PPARGC1A: variants seen among roughly 807,000 people sequenced by gnomAD.
The protein encoded by PPARGC1A is peroxisome proliferator-activated receptor gamma coactivator 1-alpha.
PPARGC1A carries 25 observed loss-of-function variants against 88.7 expected under a neutral mutation model. The observed-to-expected ratio is 0.28, with a 90% CI of 0.21 to 0.39. The LOEUF (loss-of-function observed/expected upper bound fraction) is 0.39. Ranked by LOEUF, PPARGC1A falls within the 10% of genes least tolerant of loss-of-function variation. The probability of loss-of-function intolerance (pLI) is 1.00; values close to 1 mark genes in which losing one functional copy is unlikely to be tolerated. For missense variants in PPARGC1A, 880 were observed against 968.7 expected (o/e 0.91, Z 1.22); for synonymous variants, 363 against 355.6 (o/e 1.02, Z -0.24).
intron 5 of PPARGC1A, among the ~76,000 whole-genome samples, chr4:23,827,428 TG>T (rs1724162132): frequency 1.3e-5 from 2 of 148,242 alleles, no homozygotes; most frequent in East Asian, 2.0e-4. Flanking sequence ...AAAATGAAAG[TG>T]AAAAAAAAAA....
the PPARGC1A span, among the ~76,000 whole-genome samples, chr4:24,146,460 T>C: frequency 6.6e-6 from 1 of 152,194 alleles, no homozygotes; most frequent in Admixed American, 6.5e-5. Flanking sequence ...CCCTGCTCTA[T>C]CAATGTGAAC....
chr4:23,990,556 C>A, the PPARGC1A span, among the ~76,000 whole-genome samples: 1 of 152,056 alleles, frequency 6.6e-6, no homozygotes, highest in Non-Finnish European at 1.5e-5. Context: ...ATTTTATCAC[C>A]GTAAGAACTC....
the PPARGC1A span, among the ~76,000 whole-genome samples, chr4:24,472,614 G>A: frequency 6.6e-6 from 1 of 152,190 alleles, no homozygotes; most frequent in African/African-American, 2.4e-5. This position sits in a 1 kb window ranked among gnomAD's most constrained non-coding sequence, Gnocchi z 4.5. Context: ...CAAAGGGAAC[G>A]GAAACTCTCG....
the PPARGC1A span, among the ~76,000 whole-genome samples, chr4:24,056,065 G>T: frequency 6.6e-6 from 1 of 152,212 alleles, no homozygotes; most frequent in African/African-American, 2.4e-5. Context: ...ATTTTTAGAT[G>T]AGAAAACTGA....
In PPARGC1A at chr4:23,824,263, T is replaced by C. The variant is rs771468100; in HGVS notation, c.877+17A>G. 1.2e-6 allele frequency: 2 copies of C among 1,602,684 alleles called. No individual in the cohort carries two copies. The highest frequency in any genetic ancestry group is 1.7e-6 in the Non-Finnish European group (2 of 1,170,120). On this transcript the variant is annotated intron_variant, in intron 7 of 12. Coordinates refer to ENST00000264867, the MANE Select transcript of PPARGC1A (RefSeq NM_013261.5). ...CAGACAGACACACACAAGTTCTAAG[T>C]GAAATATAAGGCTTACCTGCAGTTC...
the PPARGC1A span, among the ~76,000 whole-genome samples, chr4:24,468,733 A>G: frequency 1.1e-4 from 17 of 151,066 alleles, no homozygotes; most frequent in African/African-American, 2.4e-4. Context: ...ATTGTTTCCA[A>G]TTTTCCAGGT....
the PPARGC1A span, among the ~76,000 whole-genome samples, chr4:24,388,891 CA>C: frequency 3.9e-4 from 59 of 152,258 alleles, no homozygotes; most frequent in Non-Finnish European, 7.8e-4. Flanking sequence ...ATGGGTGCAG[CA>C]AACCACCATG....
At chr4:24,110,231 C>T in the PPARGC1A span, among the ~76,000 whole-genome samples, 1,490 of 152,298 alleles carry the variant, frequency 9.8e-3, 25 homozygotes, top group African/African-American at 0.034. Flanking sequence ...GATCAATGGA[C>T]ACATTGTGTA....
upstream of PPARGC1A, among the ~76,000 whole-genome samples, chr4:23,894,646 T>C (rs1560529906): frequency 6.6e-6 from 1 of 152,154 alleles, no homozygotes; most frequent in South Asian, 2.1e-4. Context: ...ACCGGCTCTA[T>C]GGAACTGAGT....
chr4:23,910,320 A>ATTATATATTATATATATTATATAT, the PPARGC1A span, among the ~76,000 whole-genome samples: 1 of 68,278 alleles, frequency 1.5e-5, no homozygotes, highest in African/African-American at 6.5e-5. Context: ...ATAATATTAT[A>ATTATATATTATATATATTATATAT]TATATTATAT....
At chr4:23,887,902 T>C (rs1717181448) in intron 1 of PPARGC1A, among the ~76,000 whole-genome samples, 1 of 152,092 alleles carries the variant, frequency 6.6e-6, no homozygotes, top group Non-Finnish European at 1.5e-5. Flanking sequence ...GTGTATGTCA[T>C]GTGAATTGTC....
the PPARGC1A span, among the ~76,000 whole-genome samples, chr4:24,235,507 C>T: frequency 6.6e-6 from 1 of 152,006 alleles, no homozygotes; most frequent in East Asian, 1.9e-4. Context: ...ACCCTCATAC[C>T]CTAAAGTAGC....
chr4:24,115,968 C>T, the PPARGC1A span, among the ~76,000 whole-genome samples: 1 of 151,992 alleles, frequency 6.6e-6, no homozygotes, highest in Non-Finnish European at 1.5e-5. Flanking sequence ...GGGGAAGAGA[C>T]TTTTTAATTT....
the PPARGC1A span, among the ~76,000 whole-genome samples, chr4:24,124,298 A>G: frequency 6.6e-6 from 1 of 152,232 alleles, no homozygotes; most frequent in Non-Finnish European, 1.5e-5. Flanking sequence ...AGTACAGCTT[A>G]GCTGGGATCA....
At chr4:23,946,612 A>T in the PPARGC1A span, among the ~76,000 whole-genome samples, 10 of 152,146 alleles carry the variant, frequency 6.6e-5, no homozygotes, top group East Asian at 1.9e-3. Context: ...CAGCAAAGGT[A>T]CAGTGCAACC....
chr4:24,027,657 T>G, the PPARGC1A span, among the ~76,000 whole-genome samples: 37 of 152,274 alleles, frequency 2.4e-4, no homozygotes, highest in South Asian at 7.7e-3. Flanking sequence ...ATTTAATTAC[T>G]GATCAGTGAA....
At chr4:23,905,127 G>A (rs1201572555), upstream of PPARGC1A, among the ~76,000 whole-genome samples, 1 of 152,176 alleles carries the variant, frequency 6.6e-6, no homozygotes, top group Non-Finnish European at 1.5e-5. Flanking sequence ...TCCCTAGTAT[G>A]TAAAGAGCAG....
At chr4:24,317,841 T>C in the PPARGC1A span, among the ~76,000 whole-genome samples, 4 of 152,162 alleles carry the variant, frequency 2.6e-5, no homozygotes, top group African/African-American at 9.6e-5. Context: ...CCTGGTTTTT[T>C]GTTTGGGAAA....
the PPARGC1A span, among the ~76,000 whole-genome samples, chr4:23,971,468 G>A: frequency 6.6e-6 from 1 of 152,326 alleles, no homozygotes; most frequent in African/African-American, 2.4e-5. Context: ...TAACTCACAT[G>A]ATCACAGAGT....
Sources: gnomAD v4.1 joint callset for allele counts (sites outside exome capture counted in the v4.1 genomes callset) on GRCh38, gnomAD v4.1.1 for gene constraint, Gnocchi (gnomAD v3.1) non-coding constraint, MANE v1.5 for transcripts, NCBI Gene and HGNC (gene_info 2026-07-23, HGNC 2026-07-21) for gene names.